Variants in ZFHX3 observed in about 807,000 individuals in gnomAD.
The protein encoded by ZFHX3 is zinc finger homeobox protein 3.
A neutral mutation model predicts 279.1 loss-of-function variants in ZFHX3; 42 were observed. The observed-to-expected ratio is 0.15, with a 90% confidence interval of 0.12 to 0.19. The LOEUF is 0.19. ZFHX3 is among the 10% of genes least tolerant of loss of function. The probability of loss-of-function intolerance (pLI) is 1.00; values close to 1 mark genes in which losing one functional copy is unlikely to be tolerated. For missense variants in ZFHX3, 4,981 were observed against 4,754.0 expected, an observed-to-expected ratio of 1.05 and a Z score of -1.40; for synonymous variants, 2,293 against 1,957.8, an observed-to-expected ratio of 1.17 and a Z score of -4.52.
chr16:73,414,878 A>T (rs13334017), intron 3 of ZFHX3, among the ~76,000 whole-genome samples: 1 of 152,212 alleles, frequency 6.6e-6, no homozygotes, highest in African/African-American at 2.4e-5. Flanking sequence ...CCAAACCAGT[A>T]CATTCCTCTA....
intron 3 of ZFHX3, among the ~76,000 whole-genome samples, chr16:72,942,625 G>A (rs1960464615): frequency 6.6e-6 from 1 of 152,206 alleles, no homozygotes; most frequent in African/African-American, 2.4e-5. Flanking sequence ...CTTGTAACCA[G>A]TACCTGAAAA....
intron 2 of ZFHX3, among the ~76,000 whole-genome samples, chr16:73,512,956 G>T (rs1434812358): frequency 6.6e-6 from 1 of 152,192 alleles, no homozygotes; most frequent in South Asian, 2.1e-4. Context: ...GCTGACCTCT[G>T]TAGATCAGGG....
At chr16:73,607,112 T>A (rs560980578) in intron 2 of ZFHX3, among the ~76,000 whole-genome samples, 2 of 152,234 alleles carry the variant, frequency 1.3e-5, no homozygotes, top group African/African-American at 4.8e-5. Context: ...CACTGCAACC[T>A]CCATCTCCTA....
chr16:73,385,003 C>G (rs550818792), intron 3 of ZFHX3, among the ~76,000 whole-genome samples: 40 of 152,224 alleles, frequency 2.6e-4, no homozygotes, highest in African/African-American at 9.6e-4. Context: ...TCTCTCTTTC[C>G]TAGAGCATCT....
intron 1 of ZFHX3, among the ~76,000 whole-genome samples, chr16:73,888,058 T>C (rs1479027454): frequency 6.6e-6 from 1 of 152,110 alleles, no homozygotes; most frequent in African/African-American, 2.4e-5. Flanking sequence ...GCCCCTCCTT[T>C]CCATCTGCAT....
At chr16:73,492,582 C>T (rs2019072757) in intron 2 of ZFHX3, among the ~76,000 whole-genome samples, 1 of 152,172 alleles carries the variant, frequency 6.6e-6, no homozygotes, top group Non-Finnish European at 1.5e-5. Flanking sequence ...TGGGATGCAC[C>T]TTAACCTCTT....
Position 72,959,508 on chromosome 16 carries a change from T to A in ZFHX3, c.638A>T (p.Gln213Leu). ...CAGGGCTGAGGTATTCGGGAAAGCC[T>A]GGTCTGGGCCCTCAAACCATTTCCC... ...SFGKWFEGPD[Q>L]AFPNTSALAG... The change falls in exon 2 of 10, where the codon CAG (glutamine) becomes CTG (leucine). Residue 213 changes from glutamine to leucine, a missense_variant. Around this residue, in one of 7 missense-constraint regions of ZFHX3, gnomAD observed 1,068 missense variants for 935.2 expected, o/e 1.14. Transcript: ENST00000268489. 1 of 1,614,264 alleles carries A rather than the reference T, an allele frequency of 6.2e-7. No individual in the cohort carries two copies. The highest frequency in any genetic ancestry group is 8.5e-7 in the Non-Finnish European group (1 of 1,180,042).
intron 6 of ZFHX3, among the ~76,000 whole-genome samples, chr16:73,136,933 A>G (rs1966806328): frequency 6.6e-6 from 1 of 150,850 alleles, no homozygotes. Flanking sequence ...CCTGCCTACT[A>G]GATAATTCTG....
chr16:73,046,121 TCTGAAAGGGTGC>T (rs1475904729), intron 1 of ZFHX3, among the ~76,000 whole-genome samples: 1 of 152,140 alleles, frequency 6.6e-6, no homozygotes, highest in Non-Finnish European at 1.5e-5. Flanking sequence ...CTACACACTC[TCTGAAAGGGTGC>T]CTGCAGGGTC....
chr16:73,292,286 G>A (rs1203900105), intron 4 of ZFHX3, among the ~76,000 whole-genome samples: 3 of 152,086 alleles, frequency 2.0e-5, no homozygotes, highest in Non-Finnish European at 4.4e-5. Context: ...GTGACATGTG[G>A]GTATAGATAT....
At chr16:72,842,493 A>G (rs945585168) in intron 4 of ZFHX3, among the ~76,000 whole-genome samples, 3 of 152,210 alleles carry the variant, frequency 2.0e-5, no homozygotes, top group Non-Finnish European at 4.4e-5. Context: ...AGATTTTAGC[A>G]AAGAAGGGTA....
chr16:73,268,290 G>A (rs1333482580), intron 4 of ZFHX3, among the ~76,000 whole-genome samples: 1 of 152,114 alleles, frequency 6.6e-6, no homozygotes, highest in African/African-American at 2.4e-5. Context: ...AGAGTTCTGG[G>A]GGAGATGCTT....
chr16:73,072,999 C>T (rs995548879), intron 8 of ZFHX3, among the ~76,000 whole-genome samples: 5 of 151,892 alleles, frequency 3.3e-5, no homozygotes, highest in African/African-American at 7.3e-5. Context: ...CGGGTTTAAG[C>T]GATTCTCCTG....
chr16:73,178,369 C>A (rs1392913971), intron 5 of ZFHX3, among the ~76,000 whole-genome samples: 1 of 152,134 alleles, frequency 6.6e-6, no homozygotes, highest in Non-Finnish European at 1.5e-5. Flanking sequence ...AAACTTCTGA[C>A]CTCAAGTGAT....
chr16:73,026,453 C>G (rs1964503588), intron 1 of ZFHX3, among the ~76,000 whole-genome samples: 1 of 151,956 alleles, frequency 6.6e-6, no homozygotes, highest in African/African-American at 2.4e-5. Flanking sequence ...GGGTGGATCA[C>G]CTGAGGTTAG....
chr16:72,832,505 T>G (rs1349691618), intron 4 of ZFHX3, among the ~76,000 whole-genome samples: 1 of 152,186 alleles, frequency 6.6e-6, no homozygotes, highest in East Asian at 1.9e-4. Context: ...TTAAAAAGAT[T>G]TACAAATCAA....
chr16:73,175,090 C>T lies in ZFHX3; in HGVS notation c.-1103-31259G>A, dbSNP rs965327130. ...ATTAAGCCCATTTCCCTGCTGAAAACCCCACTTGGCCTGGTGTGGTGGCTT... is the reference window on the plus strand; with the variant it reads ...ATTAAGCCCATTTCCCTGCTGAAAATCCCACTTGGCCTGGTGTGGTGGCTT... On this transcript the variant is annotated intron_variant, in intron 5 of 17. Coordinates refer to the ZFHX3 transcript ENST00000641206. Among the ~76,000 whole-genome samples the T allele has an allele frequency of 2.6e-5, 4 of 152,018 alleles. No individual in the cohort carries two copies. The South Asian group carries it at 8.3e-4, about 32-fold the overall frequency.
At chr16:73,303,963 G>GAAAAAAAA in intron 4 of ZFHX3, among the ~76,000 whole-genome samples, 1 of 76,126 alleles carries the variant, frequency 1.3e-5, no homozygotes, top group Non-Finnish European at 2.7e-5. Context: ...ACCCTAGGTG[G>GAAAAAAAA]AAAAAAAAAA....
At chr16:73,599,752 A>G (rs949444627) in intron 2 of ZFHX3, among the ~76,000 whole-genome samples, 2 of 150,988 alleles carry the variant, frequency 1.3e-5, no homozygotes, top group African/African-American at 4.9e-5. Context: ...AAAAACAACA[A>G]CCTAAACCTT....
Sources: gnomAD v4.1 joint callset for allele counts (sites outside exome capture counted in the v4.1 genomes callset) on GRCh38, gnomAD v4.1.1 for gene constraint, gnomAD v4.1.1 regional missense constraint, MANE v1.5 for transcripts, NCBI Gene and HGNC (gene_info 2026-07-23, HGNC 2026-07-21) for gene names.